Variants in DIAPH1 observed in about 807,000 individuals in gnomAD.
The protein encoded by DIAPH1 is diaphanous related formin 1, also known as protein diaphanous homolog 1.
DIAPH1 carries 46 observed loss-of-function variants against 140.7 expected under a neutral mutation model. The observed-to-expected ratio is 0.33, with a 90% CI of 0.26 to 0.42. The LOEUF is 0.42. DIAPH1 is among the 10% of genes least tolerant of loss of function. The pLI, the probability that DIAPH1 is intolerant of heterozygous loss-of-function variation, is 1.00. For synonymous variants in DIAPH1, 565 were observed against 551.6 expected (o/e 1.02, Z -0.34); for missense variants, 1,310 against 1,558.7 (o/e 0.84, Z 2.69).
chr5:141,563,501 T>C (rs1243058709), intron 18 of DIAPH1: 1 of 152,060 alleles, frequency 6.6e-6, no homozygotes, highest in Non-Finnish European at 1.5e-5. Flanking sequence ...TATACTAAAG[T>C]TTGAGATTTA....
chr5:141,587,033 G>C lies in DIAPH1; in HGVS notation c.300+9C>G. The C allele has an allele frequency of 6.2e-7, 1 of 1,614,044 alleles. No homozygotes were observed. The highest frequency in any genetic ancestry group is 1.1e-5 in the South Asian group (1 of 91,080). The stretch of plus-strand genomic sequence containing the variant: ...GGAAGAAGCAACATTTTGGGAATGG[G>C]AAACTTACCAGCATCTGTTCAAAGA... On this transcript the variant is annotated intron_variant, in intron 3 of 27. Coordinates refer to ENST00000389054, the MANE Select transcript of DIAPH1 (RefSeq NM_005219.5).
chr5:141,588,049 G>A (rs1041152707), intron 2 of DIAPH1, among the ~76,000 whole-genome samples, 175 bp downstream of exon 2: 11 of 152,148 alleles, frequency 7.2e-5, no homozygotes, highest in Admixed American at 3.9e-4. Flanking sequence ...GAAGGTCCAC[G>A]GAAATGCATG....
chr5:141,523,590 T>C (rs1029167827), intron 27 of DIAPH1, among the ~76,000 whole-genome samples: 1 of 152,118 alleles, frequency 6.6e-6, no homozygotes, highest in Non-Finnish European at 1.5e-5. Context: ...AGAGGCTAAC[T>C]GCACTCAAGG....
chr5:141,565,493 A>G lies in DIAPH1; in HGVS notation c.2482+5935T>C, dbSNP rs1206277033. Among the ~76,000 whole-genome samples, 2 of 152,234 alleles carry G rather than the reference A, an allele frequency of 1.3e-5. No individual in the cohort carries two copies. The highest frequency in any genetic ancestry group is 1.5e-5 in the Non-Finnish European group (1 of 68,038). On this transcript the variant is annotated intron_variant, in intron 18 of 27. Coordinates refer to ENST00000389054, the MANE Select transcript of DIAPH1 (RefSeq NM_005219.5). This position sits in a 1 kb window ranked among gnomAD's most constrained non-coding sequence, Gnocchi z 4.3. Reference sequence around the variant, plus strand: ...ATATTTGTTAAAATGATGATAACAAATTAGTCCAGGAACTGGCTTTAGACA... The same window carrying G: ...ATATTTGTTAAAATGATGATAACAAGTTAGTCCAGGAACTGGCTTTAGACA...
At chr5:141,544,092 C>T (rs1294841482) in intron 18 of DIAPH1, among the ~76,000 whole-genome samples, 2 of 151,940 alleles carry the variant, frequency 1.3e-5, no homozygotes, top group African/African-American at 4.8e-5. Context: ...AGACAGATCA[C>T]AAGGTCAGGA....
Position 141,618,960 on chromosome 5 carries a change from G to T in DIAPH1, c.-46C>A, listed in dbSNP as rs1442560211. On this transcript the variant is annotated 5_prime_UTR_variant, in exon 1 of 28. Coordinates refer to ENST00000389054, the MANE Select transcript of DIAPH1 (RefSeq NM_005219.5). ...GCGACCCCGCGCCTACGCCGCTCCC[G>T]CCTGGCAGCTCCGCGCCCGCCGCCG... 8.6e-6 allele frequency: 10 copies of T among 1,159,724 alleles called. No individual in the cohort carries two copies. The highest frequency in any genetic ancestry group is 1.0e-5 in the Non-Finnish European group (9 of 862,894). 71.8% of individuals were successfully genotyped at this position (1,159,724 alleles called of 1,614,324 possible). A position where few individuals can be genotyped will look rare whatever the true frequency, so the allele number is the denominator to read the frequency against.
At chr5:141,618,252 A>T (rs933700749) in intron 1 of DIAPH1, among the ~76,000 whole-genome samples, 1 of 152,224 alleles carries the variant, frequency 6.6e-6, no homozygotes, top group Non-Finnish European at 1.5e-5. Flanking sequence ...GGCTCAAGTC[A>T]GGTAACATTC....
At position 141,573,907 on chromosome 5, in the gene DIAPH1, T is replaced by C. The variant is rs886060032; in HGVS notation, c.1943A>G (p.Asp648Gly). The change falls in exon 16 of 28, where the codon GAT (aspartate) becomes GGT (glycine). Residue 648 changes from aspartate to glycine, a missense_variant. Coordinates refer to ENST00000389054, the MANE Select transcript of DIAPH1 (RefSeq NM_005219.5). ...AISPPPPLSGDATIPPPPPLP... is the reference protein window; with the variant it reads ...AISPPPPLSGGATIPPPPPLP... ...AGGAGGGGGTGGAGGGATGGTAGCA[T>C]CCCCAGACAAAGGAGGGGGTGGAGA... is the stretch of plus-strand genomic sequence containing the variant. 6.6e-7 allele frequency: 1 copy of C among 1,526,614 alleles called. No individual in the cohort carries two copies. The highest frequency in any genetic ancestry group is 8.8e-7 in the Non-Finnish European group (1 of 1,140,064). The allele number at this position is 1,526,614 out of a possible 1,614,324, so 94.6% of individuals were successfully genotyped here. A position where few individuals can be genotyped will look rare whatever the true frequency, so the allele number is the denominator to read the frequency against.
At chr5:141,547,051 A>T (rs1045186316) in intron 18 of DIAPH1, among the ~76,000 whole-genome samples, 1 of 152,252 alleles carries the variant, frequency 6.6e-6, no homozygotes, top group Admixed American at 6.5e-5. Flanking sequence ...ATTCACATAC[A>T]ACTCAGACAT....
chr5:141,559,373 A>G (rs1320086054), intron 18 of DIAPH1, among the ~76,000 whole-genome samples: 1 of 152,216 alleles, frequency 6.6e-6, no homozygotes, highest in East Asian at 1.9e-4. Context: ...TACCTTGGCC[A>G]AAATATACAA....
rs2099885491 is a variant in DIAPH1 at position 141,515,185 on chromosome 5, A to T, written c.*1666T>A. Reference sequence around the variant, plus strand: ...AAATGCATCTTAGCAAAAGTAGATTAAAAAAGAAAGGGTCAAAGCCCCAGA... The same window carrying T: ...AAATGCATCTTAGCAAAAGTAGATTTAAAAAGAAAGGGTCAAAGCCCCAGA... On this transcript the variant is annotated 3_prime_UTR_variant, in exon 28 of 28. Coordinates refer to ENST00000389054, the MANE Select transcript of DIAPH1 (RefSeq NM_005219.5). The T allele has an allele frequency of 6.6e-6, 1 of 152,622 alleles. No individual in the cohort carries two copies. The highest frequency in any genetic ancestry group is 1.9e-4 in the East Asian group (1 of 5,184). The allele number at this position is 152,622 out of a possible 1,614,324, so 9.5% of individuals were successfully genotyped here. A position where few individuals can be genotyped will look rare whatever the true frequency, so the allele number is the denominator to read the frequency against.
chr5:141,588,298 A>C, intron 1 of DIAPH1, 48 bp from the exon 2 acceptor site: 1 of 1,479,768 alleles, frequency 6.8e-7, no homozygotes, highest in Non-Finnish European at 9.4e-7. Flanking sequence ...AAATCAGTGA[A>C]GTACAAGGAA....
In DIAPH1 at chr5:141,516,622, G is replaced by A. The variant is rs1379776128; in HGVS notation, c.*229C>T. On this transcript the variant is annotated 3_prime_UTR_variant, in exon 28 of 28. Coordinates refer to ENST00000389054, the MANE Select transcript of DIAPH1 (RefSeq NM_005219.5). ...CTGCTTTGGTAATACAACAGCCAGG[G>A]CTGGCTAAGTCGGGCTCAGGCCTCC... 2 of 586,372 alleles carry A rather than the reference G, an allele frequency of 3.4e-6. No homozygotes were observed. The highest frequency in any genetic ancestry group is 5.9e-5 in the East Asian group (2 of 34,040). The allele number at this position is 586,372 out of a possible 1,614,324, so 36.3% of individuals were successfully genotyped here. A position where few individuals can be genotyped will look rare whatever the true frequency, so the allele number is the denominator to read the frequency against.
At chr5:141,540,385 C>T (rs755202263) in intron 18 of DIAPH1, among the ~76,000 whole-genome samples, 7 of 151,974 alleles carry the variant, frequency 4.6e-5, no homozygotes, top group South Asian at 2.1e-4. Flanking sequence ...CGGGTTCAAG[C>T]GATTCTTCTG....
intron 1 of DIAPH1, among the ~76,000 whole-genome samples, chr5:141,596,698 T>C (rs1045802317): frequency 2.6e-5 from 4 of 152,216 alleles, no homozygotes; most frequent in African/African-American, 9.6e-5. Flanking sequence ...TCACATTAGA[T>C]TTCTATTGGA....
chr5:141,563,038 C>A (rs370246859), intron 18 of DIAPH1: 1 of 152,234 alleles, frequency 6.6e-6, no homozygotes, highest in South Asian at 2.1e-4. Flanking sequence ...CTGTAACATT[C>A]TTCATCTTGA....
chr5:141,596,315 A>T (rs1410243024), intron 1 of DIAPH1, among the ~76,000 whole-genome samples: 1 of 151,962 alleles, frequency 6.6e-6, no homozygotes, highest in Non-Finnish European at 1.5e-5. Flanking sequence ...CCTGGGTGAC[A>T]GAGCAAGACT....
At chr5:141,529,848 C>A (rs1457012800) in intron 19 of DIAPH1, 151 bp from the exon 20 acceptor site, 4 of 710,748 alleles carry the variant, frequency 5.6e-6, no homozygotes, top group Admixed American at 2.0e-5. Flanking sequence ...CTTCGGGAGG[C>A]CAAGGTGGGC....
intron 1 of DIAPH1, among the ~76,000 whole-genome samples, chr5:141,594,898 G>A (rs1226563771): frequency 7.2e-6 from 1 of 138,964 alleles, no homozygotes. Flanking sequence ...AAAATTAGCT[G>A]GGCATGGTGG....
Sources: gnomAD v4.1 joint callset for allele counts (sites outside exome capture counted in the v4.1 genomes callset) on GRCh38, gnomAD v4.1.1 for gene constraint, Gnocchi (gnomAD v3.1) non-coding constraint, MANE v1.5 for transcripts, NCBI Gene and HGNC (gene_info 2026-07-23, HGNC 2026-07-21) for gene names.